The following PCDH15 variants were observed in gnomAD, a reference collection of about 807,000 sequenced individuals.
The protein encoded by PCDH15 is protocadherin-15.
PCDH15 carries 129 observed loss-of-function variants against 178.5 expected under a neutral mutation model. The observed-to-expected ratio is 0.72, with a 90% CI of 0.63 to 0.84. The LOEUF (loss-of-function observed/expected upper bound fraction) is 0.84. Among genes scored for constraint, PCDH15 ranks in the 40% least tolerant of loss-of-function variants. The pLI is 0.00. For missense variants in PCDH15, 2,230 were observed against 2,099.9 expected (o/e 1.06, Z -1.21); for synonymous variants, 800 against 732.0 (o/e 1.09, Z -1.50).
chr10:54,219,337 T>G lies in PCDH15; in HGVS notation c.986-5289A>C, dbSNP rs192683211. ...TGGGCGTGGTGGCTCATGCCTGTAA[T>G]CTCAGCACTCTGGGAGGCCGAGACG... On this transcript the variant is annotated intron_variant, in intron 9 of 37. Transcript: ENST00000644397. Among the ~76,000 whole-genome samples the G allele has an allele frequency of 9.4e-3, 1,340 of 142,080 alleles. 20 individuals carry two copies. The highest frequency in any genetic ancestry group is 0.031 in the African/African-American group (1,152 of 37,758). The allele number at this position is 142,080 out of a possible 152,430, so 93.2% of individuals were successfully genotyped here.
chr10:54,642,936 T>G (rs2094025455), intron 2 of PCDH15, among the ~76,000 whole-genome samples: 1 of 152,200 alleles, frequency 6.6e-6, no homozygotes, highest in South Asian at 2.1e-4. Flanking sequence ...TTTGTTTTAT[T>G]TTTTGGGACA....
intron 3 of PCDH15, among the ~76,000 whole-genome samples, chr10:54,825,849 G>A (rs2133745688): frequency 6.6e-6 from 1 of 152,124 alleles, no homozygotes; most frequent in Middle Eastern, 3.4e-3. Context: ...CTTAATTAGT[G>A]ATGTTATTAA....
chr10:54,161,762 C>T (rs953962012), intron 13 of PCDH15, among the ~76,000 whole-genome samples: 1 of 152,050 alleles, frequency 6.6e-6, no homozygotes, highest in African/African-American at 2.4e-5. Context: ...ATTATGATTC[C>T]AGTTTACCAA....
intron 2 of PCDH15, among the ~76,000 whole-genome samples, chr10:54,596,590 A>G (rs187751701): frequency 3.3e-5 from 5 of 152,296 alleles, no homozygotes; most frequent in African/African-American, 9.6e-5. Flanking sequence ...ACAAGATCAA[A>G]TACACATTAA....
intron 2 of PCDH15, among the ~76,000 whole-genome samples, chr10:54,939,704 GTTCTGGAAGC>G (rs1268227650): frequency 6.6e-6 from 1 of 152,060 alleles, no homozygotes; most frequent in Non-Finnish European, 1.5e-5. Flanking sequence ...GTTGGTCACA[GTTCTGGAAGC>G]TGTGAAGTCC....
At chr10:55,097,341 G>T (rs951284961) in intron 2 of PCDH15, among the ~76,000 whole-genome samples, 1 of 152,092 alleles carries the variant, frequency 6.6e-6, no homozygotes, top group African/African-American at 2.4e-5. Context: ...AAGAAGTAAA[G>T]TAACCTGCCT....
chr10:54,690,972 C>A (rs1033397065), intron 1 of PCDH15, among the ~76,000 whole-genome samples: 1 of 151,892 alleles, frequency 6.6e-6, no homozygotes. Flanking sequence ...TTATGACTTA[C>A]AAATGATCCC....
intron 3 of PCDH15, among the ~76,000 whole-genome samples, chr10:54,436,453 A>C (rs552483724): frequency 6.6e-6 from 1 of 152,248 alleles, no homozygotes; most frequent in African/African-American, 2.4e-5. Flanking sequence ...ATGTAGAGAA[A>C]CCTAGAGCTT....
At chr10:54,424,449 G>A (rs113470081) in intron 3 of PCDH15, among the ~76,000 whole-genome samples, 5 of 151,836 alleles carry the variant, frequency 3.3e-5, no homozygotes, top group Non-Finnish European at 5.9e-5. Context: ...AAGACAGTGT[G>A]GCCATTCCTC....
intron 2 of PCDH15, among the ~76,000 whole-genome samples, chr10:54,978,910 G>C (rs538230948): frequency 1.3e-5 from 2 of 152,170 alleles, no homozygotes; most frequent in East Asian, 3.9e-4. Context: ...TTATTAGTCT[G>C]TCTTTTGTCA....
intron 2 of PCDH15, among the ~76,000 whole-genome samples, chr10:55,040,793 C>T (rs975225740): frequency 2.0e-5 from 3 of 151,982 alleles, no homozygotes; most frequent in Non-Finnish European, 4.4e-5. Context: ...TTCTATAACA[C>T]TAAAGTAAAT....
intron 2 of PCDH15, among the ~76,000 whole-genome samples, chr10:55,044,815 T>C (rs953305419): frequency 3.3e-5 from 5 of 152,114 alleles, no homozygotes; most frequent in African/African-American, 9.7e-5. Context: ...TTAGGTGTTA[T>C]TCAATGTGCT....
In PCDH15 at chr10:53,805,713, C is replaced by A. The variant is rs1841106597; in HGVS notation, c.*866G>T. The A allele has an allele frequency of 6.6e-6, 1 of 152,024 alleles. No individual in the cohort carries two copies. Among genetic ancestry groups the A allele is most frequent in the African/African-American group, 2.4e-5 (1 of 41,404 alleles). The allele number at this position is 152,024 out of a possible 1,614,324, so 9.4% of individuals were successfully genotyped here. A position where few individuals can be genotyped will look rare whatever the true frequency, so the allele number is the denominator to read the frequency against. On this transcript the variant is annotated 3_prime_UTR_variant, in exon 38 of 38. Coordinates refer to ENST00000644397, the MANE Select transcript of PCDH15 (RefSeq NM_001384140.1). ...CTAGTGACATTAATGTGAGACTTCC[C>A]TAACCTCACCATGTCTTCCATTATG...
intron 2 of PCDH15, among the ~76,000 whole-genome samples, chr10:55,613,626 T>G (rs1182774144): frequency 6.6e-6 from 1 of 152,186 alleles, no homozygotes; most frequent in African/African-American, 2.4e-5. Context: ...CTTTTTCTGC[T>G]CTTATGAATT....
intron 9 of PCDH15, among the ~76,000 whole-genome samples, chr10:54,230,227 A>T (rs1457092369): frequency 1.3e-5 from 2 of 152,214 alleles, no homozygotes; most frequent in Non-Finnish European, 2.9e-5. Context: ...GAGAATGGTA[A>T]GGCATGAGGA....
chr10:55,171,952 C>T (rs1295132215), intron 1 of PCDH15, among the ~76,000 whole-genome samples: 3 of 151,898 alleles, frequency 2.0e-5, no homozygotes, highest in Admixed American at 6.6e-5. Context: ...ATTAAAAATG[C>T]CTTCTTCAAA....
chr10:54,020,113 T>C (rs1235050583), intron 20 of PCDH15, 79 bp downstream of exon 20: 19 of 1,213,088 alleles, frequency 1.6e-5, no homozygotes, highest in Non-Finnish European at 2.3e-5. Flanking sequence ...TCAAAACATA[T>C]TATAGGTATA....
At chr10:54,274,712 A>G (rs2058252950) in intron 8 of PCDH15, among the ~76,000 whole-genome samples, 1 of 151,146 alleles carries the variant, frequency 6.6e-6, no homozygotes, top group South Asian at 2.1e-4. Flanking sequence ...ACGTGTTCGT[A>G]TTATGCAATT....
chr10:54,820,375 A>G (rs908610959), intron 3 of PCDH15, among the ~76,000 whole-genome samples: 1 of 152,036 alleles, frequency 6.6e-6, no homozygotes, highest in Non-Finnish European at 1.5e-5. Flanking sequence ...CATATTGATG[A>G]TCTCATTTAG....
Sources: gnomAD v4.1 joint callset for allele counts (sites outside exome capture counted in the v4.1 genomes callset) on GRCh38, gnomAD v4.1.1 for gene constraint, MANE v1.5 for transcripts, NCBI Gene and HGNC (gene_info 2026-07-23, HGNC 2026-07-21) for gene names.